NCOA1: variants seen among roughly 807,000 people sequenced by gnomAD.
NCOA1 encodes the protein Hin-2 protein.
A neutral mutation model predicts 150.9 loss-of-function variants in NCOA1; 35 were observed. The observed-to-expected ratio is 0.23, with a 90% CI of 0.18 to 0.31. The LOEUF (loss-of-function observed/expected upper bound fraction) is 0.31. Among genes scored for constraint, NCOA1 ranks in the 10% least tolerant of loss-of-function variants. NCOA1 has a pLI of 1.00. For missense variants in NCOA1, 1,491 were observed against 1,749.3 expected (o/e 0.85, Z 2.63); for synonymous variants, 590 against 630.0 (o/e 0.94, Z 0.95).
chr2:24,594,712 C>CA (rs1667819151), intron 3 of NCOA1, among the ~76,000 whole-genome samples: 1 of 152,112 alleles, frequency 6.6e-6, no homozygotes, highest in Non-Finnish European at 1.5e-5. Flanking sequence ...TCAGCCCTCT[C>CA]AGCTTTCTTT....
At chr2:24,554,389 G>T (rs1191105144) in intron 1 of NCOA1, 2 of 151,910 alleles carry the variant, frequency 1.3e-5, no homozygotes, top group Admixed American at 6.6e-5. Context: ...GTTTTTTCAG[G>T]AGCAGAGGTT....
chr2:24,609,239 T>G (rs1389083683), intron 3 of NCOA1, among the ~76,000 whole-genome samples: 4 of 152,232 alleles, frequency 2.6e-5, no homozygotes. Context: ...AAATATTTAT[T>G]TAACCATATG....
intron 2 of NCOA1, among the ~76,000 whole-genome samples, chr2:24,581,730 A>G (rs1667202218): frequency 6.6e-6 from 1 of 152,164 alleles, no homozygotes; most frequent in African/African-American, 2.4e-5. Flanking sequence ...AATACTAGCA[A>G]ACTGAATCCA....
intron 1 of NCOA1, among the ~76,000 whole-genome samples, chr2:24,534,698 C>T (rs1425690965): frequency 3.9e-5 from 6 of 152,098 alleles, no homozygotes; most frequent in Non-Finnish European, 5.9e-5. Flanking sequence ...GCCTTCATTT[C>T]GTTATTTACC....
At chr2:24,702,494 G>C (rs991808122) in intron 11 of NCOA1, among the ~76,000 whole-genome samples, 1 of 152,042 alleles carries the variant, frequency 6.6e-6, no homozygotes, top group Non-Finnish European at 1.5e-5. Flanking sequence ...AATTGGGAGG[G>C]ATCAAAAACC....
At chr2:24,615,482 A>G (rs2148395736) in intron 3 of NCOA1, among the ~76,000 whole-genome samples, 1 of 152,322 alleles carries the variant, frequency 6.6e-6, no homozygotes, top group Admixed American at 6.5e-5. Flanking sequence ...GGAATCCTCT[A>G]AGAAGTTATG....
chr2:24,726,475 A>G (rs1248026556), intron 14 of NCOA1, 114 bp from the exon 15 acceptor site: 7 of 592,158 alleles, frequency 1.2e-5, no homozygotes, highest in East Asian at 1.2e-4. Flanking sequence ...CCTTTGTATC[A>G]TTGAAGTAAT....
chr2:24,597,122 C>T (rs1667917291), intron 3 of NCOA1, among the ~76,000 whole-genome samples: 1 of 151,724 alleles, frequency 6.6e-6, no homozygotes, highest in African/African-American at 2.4e-5. Context: ...AGTGTTTTAC[C>T]TATGGGAAGT....
chr2:24,594,397 G>A (rs1219629494), intron 3 of NCOA1, among the ~76,000 whole-genome samples: 1 of 151,966 alleles, frequency 6.6e-6, no homozygotes, highest in Non-Finnish European at 1.5e-5. Flanking sequence ...GTCACAATTG[G>A]GGCAGAGTCA....
At chr2:24,541,539 G>C (rs1185957791) in intron 1 of NCOA1, among the ~76,000 whole-genome samples, 5 of 152,340 alleles carry the variant, frequency 3.3e-5, no homozygotes, top group Admixed American at 2.6e-4. Flanking sequence ...CTGACACACA[G>C]AGCCAGTGCA....
intron 1 of NCOA1, among the ~76,000 whole-genome samples, chr2:24,555,792 CT>C (rs1666044932): frequency 6.6e-6 from 1 of 152,004 alleles, no homozygotes; most frequent in South Asian, 2.1e-4. Context: ...CTATTCTATC[CT>C]TTTTACTTAA....
chr2:24,716,085 A>G (rs1448490354), intron 14 of NCOA1, among the ~76,000 whole-genome samples: 1 of 149,704 alleles, frequency 6.7e-6, no homozygotes, highest in East Asian at 2.0e-4. Flanking sequence ...CGGAGATTGC[A>G]GTGAGCCGAG....
At chr2:24,682,622 G>C (rs746300897) in intron 7 of NCOA1, among the ~76,000 whole-genome samples, 1 of 152,042 alleles carries the variant, frequency 6.6e-6, no homozygotes, top group Non-Finnish European at 1.5e-5. Context: ...CCACTTCCTG[G>C]AATGTTCTTC....
chr2:24,638,746 T>C (rs183365926), intron 3 of NCOA1, among the ~76,000 whole-genome samples: 1 of 152,334 alleles, frequency 6.6e-6, no homozygotes, highest in East Asian at 1.9e-4. Flanking sequence ...TGATGATTAA[T>C]GATGTTGAGC....
At chr2:24,732,180 G>A (rs1478887634) in intron 17 of NCOA1, among the ~76,000 whole-genome samples, 1 of 152,168 alleles carries the variant, frequency 6.6e-6, no homozygotes, top group Non-Finnish European at 1.5e-5. Flanking sequence ...TAAAACAGCT[G>A]ATAAGCAGAG....
Position 24,711,019 on chromosome 2 carries a change from T to C in NCOA1, c.2507T>C (p.Met836Thr). Residue 836 changes from methionine (M) to threonine (T), a missense_variant, in exon 14 of 23, where the codon ATG becomes ACG. Physicochemically the swap from Met to Thr is moderately conservative, Grantham distance 81. Around this residue, in one of 8 missense-constraint regions of NCOA1, gnomAD observed 703 missense variants for 717.7 expected, o/e 0.98. Transcript: ENST00000348332. Reference sequence around the variant, plus strand: ...CCAGGCTTATGTGAGACAGACAGGATGGATGGTGCGGTCACCAGTGTAACC... The same window carrying C: ...CCAGGCTTATGTGAGACAGACAGGACGGATGGTGCGGTCACCAGTGTAACC... ...QLPGLCETDR[M>T]DGAVTSVTIK... 6.2e-7 allele frequency: 1 copy of C among 1,614,196 alleles called. No homozygotes were observed. Among genetic ancestry groups the C allele is most frequent in the Non-Finnish European group, 8.5e-7 (1 of 1,180,032 alleles).
intron 1 of NCOA1, among the ~76,000 whole-genome samples, chr2:24,500,077 A>G (rs1290011637): frequency 2.6e-5 from 4 of 152,090 alleles, no homozygotes; most frequent in Non-Finnish European, 5.9e-5. Context: ...GACCCCAGGC[A>G]CTTTTAGCCC....
At chr2:24,662,995 G>A (rs1398683082) in intron 5 of NCOA1, among the ~76,000 whole-genome samples, 1 of 145,532 alleles carries the variant, frequency 6.9e-6, no homozygotes, top group African/African-American at 2.5e-5. Context: ...GGGTCTTGTT[G>A]TGTTACCCAG....
In NCOA1 at chr2:24,693,254, T is replaced by C; in HGVS notation, c.715T>C (p.Phe239Leu). ...PKSIQEDGED[F>L]QSCLICIARR... The stretch of plus-strand genomic sequence containing the variant: ...TTTCCCCGTCTTGTTTTGGGCAGAT[T>C]TCCAGTCATGTCTGATTTGTATTGC... The change falls in exon 10 of 23, where the codon TTC becomes CTC. Residue 239 changes from phenylalanine (F) to leucine (L), a missense_variant and splice_region_variant. Phe to Leu is a conservative substitution (Grantham distance 22). Transcript: ENST00000348332. 6 of 1,614,126 alleles carry C rather than the reference T, an allele frequency of 3.7e-6. No individual in the cohort carries two copies. Among genetic ancestry groups the C allele is most frequent in the Non-Finnish European group, 5.1e-6 (6 of 1,179,990 alleles).
Sources: allele counts gnomAD v4.1 joint callset (sites outside exome capture counted in the v4.1 genomes callset), GRCh38; gene constraint gnomAD v4.1.1; regional missense constraint gnomAD v4.1.1; transcripts MANE v1.5; gene names NCBI Gene and HGNC (gene_info 2026-07-23, HGNC 2026-07-21).